The following TRIM5 variants were observed in gnomAD, a reference collection of about 807,000 sequenced individuals.
TRIM5 encodes tripartite motif-containing protein 5.
In TRIM5, 31 loss-of-function variants were observed where a neutral mutation model predicts 35.6. That is an observed-to-expected ratio of 0.87 (90% CI 0.65 to 1.18). The LOEUF is 1.18. Among genes scored for constraint, TRIM5 ranks in the 50% most tolerant of loss-of-function variants. TRIM5 has a pLI of 0.00. For synonymous variants in TRIM5, 243 were observed against 215.6 expected, an observed-to-expected ratio of 1.13 and a Z score of -1.11; for missense variants, 609 against 591.6, an observed-to-expected ratio of 1.03 and a Z score of -0.31.
the TRIM5 span, chr11:5,642,868 A>G: frequency 6.2e-7 from 1 of 1,613,552 alleles, no homozygotes; most frequent in East Asian, 2.2e-5. Context: ...GTCTTTAAAT[A>G]ACTGTTTTCC....
the TRIM5 span, among the ~76,000 whole-genome samples, chr11:5,656,964 T>C: frequency 6.6e-6 from 1 of 152,208 alleles, no homozygotes; most frequent in South Asian, 2.1e-4. Flanking sequence ...TTACTGGGTA[T>C]ATACTCAAAG....
At chr11:5,644,791 C>T in the TRIM5 span, among the ~76,000 whole-genome samples, 1 of 152,086 alleles carries the variant, frequency 6.6e-6, no homozygotes, top group Admixed American at 6.5e-5. Flanking sequence ...GATTTTTGTC[C>T]TGCCCAAATC....
At chr11:5,645,392 C>CAAAAA in the TRIM5 span, among the ~76,000 whole-genome samples, 15 of 95,782 alleles carry the variant, frequency 1.6e-4, no homozygotes, top group African/African-American at 5.8e-4. Context: ...AACTCTGTCT[C>CAAAAA]AAAAAAAAAA....
In TRIM5 at chr11:5,677,600, C is replaced by T. The variant is rs539593721; in HGVS notation, c.744+604G>A. ...ATTTTTAGTAGAGACGGGGTTTCAC[C>T]GTGTTAGCCAGGATGGTCTCAATCG... On this transcript the variant is annotated intron_variant, in intron 4 of 7. Coordinates refer to ENST00000380034, the MANE Select transcript of TRIM5 (RefSeq NM_033034.3). Among the ~76,000 whole-genome samples, 21 of 152,238 alleles carry T rather than the reference C, an allele frequency of 1.4e-4. No homozygotes were observed. The East Asian group carries it at 3.5e-3, about 25-fold the overall frequency.
chr11:5,638,097 C>G, the TRIM5 span, among the ~76,000 whole-genome samples: 1 of 152,190 alleles, frequency 6.6e-6, no homozygotes, highest in Non-Finnish European at 1.5e-5. Flanking sequence ...TACATCCCTA[C>G]CAGCCACACA....
At chr11:5,679,338 G>C (rs1852240738) in intron 2 of TRIM5, among the ~76,000 whole-genome samples, 169 bp from the exon 3 acceptor site, 1 of 152,176 alleles carries the variant, frequency 6.6e-6, no homozygotes, top group Non-Finnish European at 1.5e-5. Context: ...TGGTGAATGT[G>C]CTCCCTACAT....
chr11:5,658,074 A>C, the TRIM5 span, among the ~76,000 whole-genome samples: 1 of 152,312 alleles, frequency 6.6e-6, no homozygotes, highest in Non-Finnish European at 1.5e-5. Flanking sequence ...AGGTGAGGAC[A>C]GGAATTTCCG....
At chr11:5,650,379 A>T in the TRIM5 span, among the ~76,000 whole-genome samples, 1 of 152,212 alleles carries the variant, frequency 6.6e-6, no homozygotes, top group Non-Finnish European at 1.5e-5. Context: ...GCCTATTGGG[A>T]GGGCTTTCCT....
intron 4 of TRIM5, among the ~76,000 whole-genome samples, chr11:5,675,948 G>A (rs557014353): frequency 2.0e-4 from 22 of 110,402 alleles, no homozygotes; most frequent in African/African-American, 6.2e-4. Context: ...GAGAATATGC[G>A]GTGTTTGATT....
the TRIM5 span, among the ~76,000 whole-genome samples, chr11:5,617,506 C>T: frequency 3.4e-3 from 248 of 73,028 alleles, 19 homozygotes; most frequent in African/African-American, 0.011. Context: ...TTTTTTTTTT[C>T]AGGCAGAGTT....
Position 5,665,004 on chromosome 11 carries a change from G to C in TRIM5, c.1287C>G (p.Leu429=). Residue 429 remains leucine, a synonymous_variant, in exon 8 of 8, where the codon CTC becomes CTG. Transcript: ENST00000380034. ...CACGATCAGGACAAATAATCACAGA[G>C]AGGGGCACAATGAAAGGAACAGAAG... ...HTPSVPFIVP[L]SVIICPDRVG... 1 of 1,614,146 alleles carries C rather than the reference G, an allele frequency of 6.2e-7. No homozygotes were observed. The highest frequency in any genetic ancestry group is 8.5e-7 in the Non-Finnish European group (1 of 1,180,032).
chr11:5,660,831 A>C (rs1850788603), downstream of TRIM5, among the ~76,000 whole-genome samples: 1 of 151,872 alleles, frequency 6.6e-6, no homozygotes, highest in African/African-American at 2.4e-5. Flanking sequence ...TCTTGAGGTC[A>C]GGAGATCGGG....
rs35734937 is a variant in TRIM5, at chr11:5,666,090, TA to T, written c.768-10del. 138,524 of 1,325,580 alleles carry T rather than the reference TA, an allele frequency of 0.1. No homozygotes were observed. Among genetic ancestry groups the T allele is most frequent in the Middle Eastern group, 0.12 (551 of 4,782 alleles). 82.1% of individuals were successfully genotyped at this position (1,325,580 alleles called of 1,614,324 possible). On this transcript the variant is annotated splice_polypyrimidine_tract_variant and intron_variant, in intron 5 of 7. Transcript: ENST00000380034. ...AGGTCACGTTCTCCGTCCTAAGAAT[TA>T]AAAAAAAAAAAAAAAACTTCCAAAC...
At chr11:5,644,696 G>T in the TRIM5 span, among the ~76,000 whole-genome samples, 1 of 152,148 alleles carries the variant, frequency 6.6e-6, no homozygotes, top group Non-Finnish European at 1.5e-5. Flanking sequence ...TGTGTCGGGG[G>T]GGTGGTGGTT....
intron 1 of TRIM5, among the ~76,000 whole-genome samples, chr11:5,681,137 T>C (rs559282467): frequency 3.9e-5 from 6 of 152,254 alleles, no homozygotes; most frequent in East Asian, 1.9e-4. Context: ...GGACCACACA[T>C]GTTGGATACT....
the TRIM5 span, among the ~76,000 whole-genome samples, chr11:5,650,393 A>T: frequency 2.0e-5 from 3 of 152,018 alleles, no homozygotes; most frequent in Non-Finnish European, 2.9e-5. Flanking sequence ...CTTTCCTTCA[A>T]GGGGTACTTC....
At position 5,673,345 on chromosome 11, in the gene TRIM5, T is replaced by C. The variant is rs567537967; in HGVS notation, c.744+4859A>G. On this transcript the variant is annotated intron_variant, in intron 4 of 7. Transcript: ENST00000380034. ...ATGTGAGAATAACAGGAATATTTCATAATGAAAGAAAGGTTCAATATGTCA... is the reference window on the plus strand; with the variant it reads ...ATGTGAGAATAACAGGAATATTTCACAATGAAAGAAAGGTTCAATATGTCA... Among the ~76,000 whole-genome samples the C allele has an allele frequency of 3.9e-4, 59 of 152,262 alleles. 2 individuals are homozygous for C. The highest frequency in any genetic ancestry group is 8.4e-4 in the Non-Finnish European group (57 of 67,972).
the TRIM5 span, among the ~76,000 whole-genome samples, chr11:5,652,368 T>G: frequency 8.6e-4 from 131 of 152,354 alleles, no homozygotes; most frequent in Non-Finnish European, 1.6e-3. Context: ...GGGTCCAGTT[T>G]CAATCTTCTG....
the TRIM5 span, chr11:5,596,740 C>A: frequency 2.6e-6 from 3 of 1,142,888 alleles, no homozygotes; most frequent in Non-Finnish European, 3.8e-6. Context: ...TTTCTCGGAA[C>A]GGAACGGAGC....
Sources: allele counts gnomAD v4.1 joint callset (sites outside exome capture counted in the v4.1 genomes callset), GRCh38; gene constraint gnomAD v4.1.1; transcripts MANE v1.5; gene names NCBI Gene and HGNC (gene_info 2026-07-23, HGNC 2026-07-21).